Variants in SLIT3 observed in about 807,000 individuals in gnomAD.
SLIT3 encodes the protein slit guidance ligand 3.
In SLIT3, 68 loss-of-function variants were observed where a neutral mutation model predicts 184.0. That is an observed-to-expected ratio of 0.37 (90% CI 0.30 to 0.45). The LOEUF (loss-of-function observed/expected upper bound fraction) is 0.45. Ranked by LOEUF, SLIT3 falls within the 20% of genes least tolerant of loss-of-function variation. The probability of loss-of-function intolerance (pLI) is 1.00; values close to 1 mark genes in which losing one functional copy is unlikely to be tolerated. For synonymous variants in SLIT3, 831 were observed against 828.6 expected (o/e 1.00, Z -0.05); for missense variants, 1,707 against 2,026.0 (o/e 0.84, Z 3.02).
At chr5:169,021,963 C>CCAT (rs1756616985) in intron 4 of SLIT3, among the ~76,000 whole-genome samples, 1 of 152,144 alleles carries the variant, frequency 6.6e-6, no homozygotes, top group Non-Finnish European at 1.5e-5. Flanking sequence ...TAGAACACAC[C>CCAT]CATCATCACA....
At chr5:169,122,006 C>T (rs1196199043) in intron 4 of SLIT3, among the ~76,000 whole-genome samples, 1 of 152,222 alleles carries the variant, frequency 6.6e-6, no homozygotes, top group Non-Finnish European at 1.5e-5. Context: ...AATGGTAGCT[C>T]CTTTTACCAT....
At chr5:169,005,849 A>T (rs1755902865) in intron 4 of SLIT3, among the ~76,000 whole-genome samples, 1 of 152,230 alleles carries the variant, frequency 6.6e-6, no homozygotes, top group African/African-American at 2.4e-5. Flanking sequence ...AAGGCTTCAA[A>T]GGCAACCTAT....
intron 4 of SLIT3, among the ~76,000 whole-genome samples, chr5:169,014,262 A>G (rs1054191763): frequency 1.3e-5 from 2 of 152,196 alleles, no homozygotes; most frequent in African/African-American, 4.8e-5. Context: ...ACCTGCCTTT[A>G]TACATTATAC....
intron 20 of SLIT3, among the ~76,000 whole-genome samples, chr5:168,744,008 G>A (rs1273238666): frequency 2.0e-5 from 3 of 152,202 alleles, no homozygotes; most frequent in East Asian, 1.9e-4. Flanking sequence ...AAAAGAAGCC[G>A]GCTGGGCGCA....
intron 6 of SLIT3, among the ~76,000 whole-genome samples, chr5:168,839,591 G>A (rs1022489355): frequency 2.0e-5 from 3 of 152,158 alleles, no homozygotes; most frequent in Non-Finnish European, 4.4e-5. Context: ...CAGGACAAAA[G>A]AAAAATCTCA....
intron 6 of SLIT3, among the ~76,000 whole-genome samples, chr5:168,828,658 C>CAAAAAAAAAAAAAAAA (rs56974958): frequency 0.052 from 4,986 of 96,024 alleles, 306 homozygotes; most frequent in African/African-American, 0.067. Context: ...GATCCTGACT[C>CAAAAAAAAAAAAAAAA]AAAAAAAAAA....
At chr5:169,220,725 A>AGT (rs1764591567) in intron 3 of SLIT3, among the ~76,000 whole-genome samples, 1 of 152,334 alleles carries the variant, frequency 6.6e-6, no homozygotes, top group Admixed American at 6.5e-5. Flanking sequence ...TTTCAAAAGT[A>AGT]GTCAATAGTA....
chr5:168,761,821 C>A (rs961031852), intron 15 of SLIT3, among the ~76,000 whole-genome samples: 5 of 151,872 alleles, frequency 3.3e-5, no homozygotes, highest in African/African-American at 1.2e-4. Flanking sequence ...TCACTGCAGC[C>A]TTGAATTCCT....
chr5:168,919,637 A>ATT (rs571984961), intron 4 of SLIT3, among the ~76,000 whole-genome samples: 2,395 of 151,988 alleles, frequency 0.016, 57 homozygotes, highest in African/African-American at 0.054. Context: ...GTAATATGTA[A>ATT]TTTTTTTAAA....
chr5:169,021,414 G>T (rs1255846265), intron 4 of SLIT3, among the ~76,000 whole-genome samples: 6 of 151,958 alleles, frequency 3.9e-5, no homozygotes, highest in Admixed American at 3.9e-4. Context: ...GCAGTGATAT[G>T]ATCTCGGCTC....
At chr5:169,103,014 T>C (rs1222344822) in intron 4 of SLIT3, among the ~76,000 whole-genome samples, 6 of 152,228 alleles carry the variant, frequency 3.9e-5, no homozygotes, top group Non-Finnish European at 8.8e-5. Flanking sequence ...ATAAAAGTTA[T>C]AATACTAATA....
chr5:169,156,633 AT>A (rs973624220), intron 4 of SLIT3, among the ~76,000 whole-genome samples: 1 of 152,182 alleles, frequency 6.6e-6, no homozygotes, highest in African/African-American at 2.4e-5. Context: ...TCACTAAGAG[AT>A]TGAAAGGTAA....
At chr5:168,855,393 A>C (rs979692025) in intron 5 of SLIT3, among the ~76,000 whole-genome samples, 4 of 152,256 alleles carry the variant, frequency 2.6e-5, no homozygotes, top group African/African-American at 9.6e-5. Context: ...AATTAAAAAC[A>C]GGTGTTCAAA....
At chr5:169,035,415 C>T (rs1304658306) in intron 4 of SLIT3, among the ~76,000 whole-genome samples, 3 of 152,000 alleles carry the variant, frequency 2.0e-5, no homozygotes, top group South Asian at 2.1e-4. Context: ...TTTGGGAGGC[C>T]GAGGCAGGTG....
At chr5:168,737,581 C>A (rs1763479898) in intron 20 of SLIT3, among the ~76,000 whole-genome samples, 1 of 152,162 alleles carries the variant, frequency 6.6e-6, no homozygotes, top group Non-Finnish European at 1.5e-5. Flanking sequence ...TGTCATCCTT[C>A]CCCCCTCTTT....
chr5:169,202,661 A>G (rs1763939395), intron 3 of SLIT3, among the ~76,000 whole-genome samples: 1 of 151,962 alleles, frequency 6.6e-6, no homozygotes, highest in African/African-American at 2.4e-5. Flanking sequence ...GAAGAAGGCT[A>G]TGAGAGTCTC....
chr5:168,802,724 T>C (rs73805229), intron 9 of SLIT3, among the ~76,000 whole-genome samples: 4,339 of 152,312 alleles, frequency 0.028, 237 homozygotes, highest in African/African-American at 0.1. Flanking sequence ...TTTCTAACCA[T>C]TGTCATCATC....
chr5:169,168,402 G>T (rs1476505743), intron 4 of SLIT3, among the ~76,000 whole-genome samples: 1 of 152,142 alleles, frequency 6.6e-6, no homozygotes, highest in Non-Finnish European at 1.5e-5. Flanking sequence ...GCACAATCTG[G>T]CTTTAAGTTC....
chr5:169,202,355 G>C (rs1238309331), intron 3 of SLIT3, among the ~76,000 whole-genome samples: 1 of 152,160 alleles, frequency 6.6e-6, no homozygotes, highest in African/African-American at 2.4e-5. Context: ...TGTGTTAGGT[G>C]TTTTATCTGT....
Sources: allele counts gnomAD v4.1 joint callset (sites outside exome capture counted in the v4.1 genomes callset), GRCh38; gene constraint gnomAD v4.1.1; transcripts MANE v1.5; gene names NCBI Gene and HGNC (gene_info 2026-07-23, HGNC 2026-07-21).